The following TUBB8 variants were observed in gnomAD, a reference collection of about 807,000 sequenced individuals.
TUBB8 encodes tubulin beta-8 chain.
TUBB8 carries 25 observed loss-of-function variants against 33.7 expected under a neutral mutation model. The observed-to-expected ratio is 0.74, with a 90% confidence interval of 0.54 to 1.04. The LOEUF (loss-of-function observed/expected upper bound fraction) is 1.04, where lower values mean the gene tolerates loss of function less well. TUBB8 is among the 50% of genes least tolerant of loss of function. The pLI is 0.00. For missense variants in TUBB8, 279 were observed against 608.0 expected (o/e 0.46, Z 5.69); for synonymous variants, 245 against 240.1 (o/e 1.02, Z -0.19).
intron 1 of TUBB8, among the ~76,000 whole-genome samples, chr10:61,774 T>C (rs1424539270): frequency 6.6e-6 from 1 of 152,262 alleles, no homozygotes; most frequent in African/African-American, 2.4e-5. Flanking sequence ...ATCTAGGTGC[T>C]TTAGTGTTGG....
chr10:48,547 T>G (rs1554738759), intron 3 of TUBB8, 68 bp downstream of exon 3: 1 of 1,456,236 alleles, frequency 6.9e-7, no homozygotes, highest in South Asian at 1.1e-5. Flanking sequence ...AGGATGACCT[T>G]AGCACACTCC....
At chr10:74,300 GACC>G (rs1456361653), upstream of TUBB8, 2 of 151,584 alleles carry the variant, frequency 1.3e-5, no homozygotes, top group Non-Finnish European at 3.0e-5. Flanking sequence ...CTGAACTGGA[GACC>G]ACCATCCCGT....
At chr10:54,949 C>G (rs374242484) in intron 1 of TUBB8, among the ~76,000 whole-genome samples, 14,874 of 114,666 alleles carry the variant, frequency 0.13, no homozygotes, top group African/African-American at 0.25. Flanking sequence ...GTAGAGACGG[C>G]GTTTCACCAT....
At chr10:52,284 T>C (rs1554739684), upstream of TUBB8, among the ~76,000 whole-genome samples, 1 of 152,202 alleles carries the variant, frequency 6.6e-6, no homozygotes, top group East Asian at 1.9e-4. Context: ...TAAATGATTC[T>C]ATGTGGATTG....
At chr10:56,412 C>T (rs1388019948) in intron 1 of TUBB8, among the ~76,000 whole-genome samples, 20 of 152,264 alleles carry the variant, frequency 1.3e-4, no homozygotes, top group African/African-American at 4.8e-4. Context: ...TAAAAATAAT[C>T]GGTGACTAGT....
chr10:53,793 A>T (rs199955304), upstream of TUBB8, among the ~76,000 whole-genome samples: 1 of 140,090 alleles, frequency 7.1e-6, no homozygotes, highest in Non-Finnish European at 1.6e-5. Flanking sequence ...CTAAATGGAC[A>T]CCTCTTCTTG....
chr10:54,518 C>T (rs1834505792), intron 1 of TUBB8, among the ~76,000 whole-genome samples: 1 of 151,976 alleles, frequency 6.6e-6, no homozygotes, highest in East Asian at 1.9e-4. Context: ...ATAAAAGCCA[C>T]CTTAACTGAG....
chr10:67,157 T>G (rs1232082752), intron 1 of TUBB8, among the ~76,000 whole-genome samples: 12 of 150,834 alleles, frequency 8.0e-5, no homozygotes, highest in South Asian at 2.1e-4. Flanking sequence ...TTTGTTGTTT[T>G]TTTTTTTTTG....
At position 47,864 on chromosome 10, in the gene TUBB8, C is replaced by T. The variant is rs9329304; in HGVS notation, c.528G>A (p.Ser176=). 4.0e-3 allele frequency: 6,333 copies of T among 1,597,206 alleles called. No homozygotes were observed. The African/African-American group carries it at 0.07, about 18-fold the overall frequency. ...TFSILPSPKV[S]DTVVEPYNAT... ...CGTTGTAGGGCTCCACCACGGTGTC[C>T]GACACCTTGGGCGAGGGCAGGATGC... Residue 176 remains serine (S), a synonymous_variant, in exon 4 of 4, where the codon TCG becomes TCA. Coordinates refer to ENST00000568584, the MANE Select transcript of TUBB8 (RefSeq NM_177987.3).
upstream of TUBB8, among the ~76,000 whole-genome samples, chr10:74,970 G>T (rs1324178305): frequency 5.3e-5 from 8 of 150,600 alleles, no homozygotes; most frequent in African/African-American, 2.0e-4. Flanking sequence ...CACCTCCAGG[G>T]TTCAAACAAT....
chr10:76,501 T>TA (rs1834816367), upstream of TUBB8, among the ~76,000 whole-genome samples: 1 of 152,014 alleles, frequency 6.6e-6, no homozygotes, highest in Non-Finnish European at 1.5e-5. Flanking sequence ...TCCCGGAGCG[T>TA]CTCCCTGTCC....
chr10:61,698 T>G (rs1834603976), intron 1 of TUBB8, among the ~76,000 whole-genome samples: 1 of 152,250 alleles, frequency 6.6e-6, no homozygotes, highest in African/African-American at 2.4e-5. Flanking sequence ...AAGTAGGGTG[T>G]CGAAGTGTTC....
At chr10:50,159 G>A (rs1834448137), upstream of TUBB8, 1 of 152,462 alleles carries the variant, frequency 6.6e-6, no homozygotes, top group South Asian at 2.1e-4. Flanking sequence ...GAAAATTGCT[G>A]GCCATTTGAG....
At chr10:52,666 A>T (rs563922486), upstream of TUBB8, among the ~76,000 whole-genome samples, 1 of 152,368 alleles carries the variant, frequency 6.6e-6, no homozygotes, top group Non-Finnish European at 1.5e-5. Flanking sequence ...TATCTTTAAC[A>T]AAAAATGCTG....
chr10:49,507 C>T (rs1405996934), upstream of TUBB8: 5 of 661,914 alleles, frequency 7.6e-6, no homozygotes, highest in Admixed American at 8.2e-5. Context: ...AACTTCCTCC[C>T]GCGTCTTTAG....
upstream of TUBB8, among the ~76,000 whole-genome samples, chr10:51,012 T>TACAATTCAA (rs1834462284): frequency 6.6e-6 from 1 of 152,258 alleles, no homozygotes; most frequent in South Asian, 2.1e-4. Flanking sequence ...TATCTTGAAT[T>TACAATTCAA]GTAGCTCCCC....
chr10:72,704 T>A (rs1437034015), intron 1 of TUBB8, among the ~76,000 whole-genome samples: 2 of 151,798 alleles, frequency 1.3e-5, no homozygotes, highest in East Asian at 3.9e-4. Flanking sequence ...TACAAAAAAA[T>A]TAGCAGGGCA....
upstream of TUBB8, among the ~76,000 whole-genome samples, chr10:51,596 C>A (rs1337254660): frequency 6.6e-6 from 1 of 152,188 alleles, no homozygotes; most frequent in Non-Finnish European, 1.5e-5. Flanking sequence ...ACTAATACAG[C>A]CTGTATGCCA....
intron 1 of TUBB8, among the ~76,000 whole-genome samples, chr10:73,382 T>C (rs1351935123): frequency 6.6e-6 from 1 of 152,210 alleles, no homozygotes; most frequent in African/African-American, 2.4e-5. Flanking sequence ...GGCTCACGCC[T>C]GTAATCCCAG....
Sources: gnomAD v4.1 joint callset for allele counts (sites outside exome capture counted in the v4.1 genomes callset) on GRCh38, gnomAD v4.1.1 for gene constraint, MANE v1.5 for transcripts, NCBI Gene and HGNC (gene_info 2026-07-23, HGNC 2026-07-21) for gene names.